The following PCDHAC1 variants were observed in gnomAD, a reference collection of about 807,000 sequenced individuals.
PCDHAC1 encodes the protein protocadherin alpha-C1.
PCDHAC1 carries 42 observed loss-of-function variants against 60.0 expected under a neutral mutation model. The ratio of observed to expected loss-of-function variants is 0.70; its 90% confidence interval spans 0.55 to 0.90. PCDHAC1 has a LOEUF of 0.90. Among genes scored for constraint, PCDHAC1 ranks in the 40% least tolerant of loss-of-function variants. The pLI is 0.00. For synonymous variants in PCDHAC1, 468 were observed against 499.3 expected, an observed-to-expected ratio of 0.94 and a Z score of 0.84; for missense variants, 1,160 against 1,222.3, an observed-to-expected ratio of 0.95 and a Z score of 0.76.
At chr5:140,944,134 A>G (rs890508296) in intron 1 of PCDHAC1, among the ~76,000 whole-genome samples, 1 of 152,122 alleles carries the variant, frequency 6.6e-6, no homozygotes, top group East Asian at 1.9e-4. Context: ...GAAAAGGTTG[A>G]AGATTAGAAG....
At chr5:140,941,743 C>G (rs2093156279) in intron 1 of PCDHAC1, among the ~76,000 whole-genome samples, 1 of 152,172 alleles carries the variant, frequency 6.6e-6, no homozygotes, top group Admixed American at 6.5e-5. Context: ...ATTATCTTAT[C>G]AGATTTTCAG....
intron 1 of PCDHAC1, among the ~76,000 whole-genome samples, chr5:140,936,969 A>G (rs1391736933): frequency 2.0e-5 from 3 of 152,202 alleles, no homozygotes; most frequent in African/African-American, 7.2e-5. Context: ...ATCTATAAAA[A>G]TATGAAGCTT....
At position 140,993,525 on chromosome 5, in the gene PCDHAC1, G is replaced by C. The variant is rs573802745; in HGVS notation, c.2581+10962G>C. On this transcript the variant is annotated intron_variant, in intron 3 of 3. Coordinates refer to ENST00000253807, the MANE Select transcript of PCDHAC1 (RefSeq NM_018898.5). Reference sequence around the variant, plus strand: ...ACACACACACGGGGAGAGAGAGACAGAGAGAGAGAGAGATAGAGAAGTGAA... The same window carrying C: ...ACACACACACGGGGAGAGAGAGACACAGAGAGAGAGAGATAGAGAAGTGAA... Among the ~76,000 whole-genome samples the C allele has an allele frequency of 4.8e-5, 7 of 147,308 alleles. No homozygotes were observed. The East Asian group carries it at 1.2e-3, about 24-fold the overall frequency.
intron 1 of PCDHAC1, among the ~76,000 whole-genome samples, chr5:140,943,674 A>G (rs1401531217): frequency 6.6e-6 from 1 of 152,240 alleles, no homozygotes; most frequent in Non-Finnish European, 1.5e-5. Context: ...TAAAGTGTGA[A>G]AAAAAGGGAT....
Position 140,979,718 on chromosome 5 carries a change from T to C in PCDHAC1, c.2492+711T>C, listed in dbSNP as rs372148471. Among the ~76,000 whole-genome samples, 17 of 152,388 alleles carry C rather than the reference T, an allele frequency of 1.1e-4. No homozygotes were observed. The East Asian group carries it at 2.7e-3, about 24-fold the overall frequency. On this transcript the variant is annotated intron_variant, in intron 2 of 3. Transcript: ENST00000253807. ...ATTTCTGGAGGTGATCCAGTATCCA[T>C]GCCATGGGGCCAAATAAAAGATTCA...
chr5:140,948,558 G>A (rs2094272533), intron 1 of PCDHAC1, among the ~76,000 whole-genome samples: 2 of 151,514 alleles, frequency 1.3e-5, no homozygotes, highest in Admixed American at 1.3e-4. Flanking sequence ...ATTTTGTTAA[G>A]TTGTATTTTT....
chr5:140,999,183 AG>A (rs1233229901), intron 3 of PCDHAC1, among the ~76,000 whole-genome samples: 2 of 152,200 alleles, frequency 1.3e-5, no homozygotes, highest in East Asian at 1.9e-4. Flanking sequence ...TGATGGGGAG[AG>A]GGTCCTTGGA....
chr5:140,928,698 G>A lies in PCDHAC1; in HGVS notation c.1806G>A (p.Arg602=). Residue 602 remains arginine (R), a synonymous_variant, in exon 1 of 4, where the codon CGG becomes CGA. Coordinates refer to ENST00000253807, the MANE Select transcript of PCDHAC1 (RefSeq NM_018898.5). The part of the protein sequence containing the change: ...SNAWLSYHIS[R]ASDSSLFRIS... ...CCTGGCTTTCCTACCACATCTCCCG[G>A]GCGTCTGACTCTAGTCTCTTTAGAA... The A allele has an allele frequency of 6.2e-7, 1 of 1,614,148 alleles. No individual in the cohort carries two copies. Among genetic ancestry groups the A allele is most frequent in the East Asian group, 2.2e-5 (1 of 44,880 alleles).
In PCDHAC1 at chr5:140,927,994, G is replaced by C; in HGVS notation, c.1102G>C (p.Asp368His). Residue 368 changes from aspartate (D) to histidine (H), a missense_variant, in exon 1 of 4, where the codon GAC (aspartate) becomes CAC (histidine). Coordinates refer to ENST00000253807, the MANE Select transcript of PCDHAC1 (RefSeq NM_018898.5). ...VIALFSVKDE[D>H]LDSNGRVICG... ...TGCTCTCTTTAGTGTAAAGGATGAA[G>C]ACCTCGATTCTAATGGTAGGGTCAT... The C allele has an allele frequency of 6.2e-7, 1 of 1,614,180 alleles. No homozygotes were observed. Among genetic ancestry groups the C allele is most frequent in the Non-Finnish European group, 8.5e-7 (1 of 1,180,034 alleles).
chr5:140,946,781 G>A (rs1006814243), intron 1 of PCDHAC1, among the ~76,000 whole-genome samples: 6 of 151,330 alleles, frequency 4.0e-5, no homozygotes, highest in African/African-American at 1.2e-4. Flanking sequence ...ATGTAAAAAA[G>A]CTGATCTTAT....
intron 3 of PCDHAC1, among the ~76,000 whole-genome samples, chr5:141,002,755 T>A (rs894161079): frequency 1.3e-5 from 2 of 152,174 alleles, no homozygotes; most frequent in Non-Finnish European, 2.9e-5. Context: ...GACAACCCTG[T>A]GATGTAGACA....
chr5:140,965,035 C>T (rs978573637), intron 1 of PCDHAC1, among the ~76,000 whole-genome samples: 6 of 152,108 alleles, frequency 3.9e-5, no homozygotes, highest in Non-Finnish European at 5.9e-5. Context: ...TTTAACTGTC[C>T]GCTCTAGGAG....
intron 3 of PCDHAC1, among the ~76,000 whole-genome samples, chr5:140,984,667 T>A (rs1554246463): frequency 6.6e-6 from 1 of 152,160 alleles, no homozygotes; most frequent in Non-Finnish European, 1.5e-5. Flanking sequence ...TACTTTTAGG[T>A]TTTTAGGACT....
chr5:140,936,615 G>T (rs1052104404), intron 1 of PCDHAC1, among the ~76,000 whole-genome samples: 1 of 152,178 alleles, frequency 6.6e-6, no homozygotes, highest in Non-Finnish European at 1.5e-5. Context: ...CTGCTACTGT[G>T]CAGTGCTACC....
At position 140,931,063 on chromosome 5, in the gene PCDHAC1, A is replaced by C. The variant is rs1584700470; in HGVS notation, c.2433+1738A>C. Among the ~76,000 whole-genome samples, 4 of 152,202 alleles carry C rather than the reference A, an allele frequency of 2.6e-5. No individual in the cohort carries two copies. In the South Asian group the frequency reaches 8.3e-4, roughly 31 times the overall value. On this transcript the variant is annotated intron_variant, in intron 1 of 3. Coordinates refer to ENST00000253807, the MANE Select transcript of PCDHAC1 (RefSeq NM_018898.5). ...GAAAAACTTCAATGCTGTGTCTGGGACTAAGTATGAGTCCAGTTCTACAGA... is the reference window on the plus strand; with the variant it reads ...GAAAAACTTCAATGCTGTGTCTGGGCCTAAGTATGAGTCCAGTTCTACAGA...
At chr5:140,929,721 ATTTACT>A (rs1474734727) in intron 1 of PCDHAC1, 3 of 222,378 alleles carry the variant, frequency 1.3e-5, no homozygotes, top group African/African-American at 4.6e-5. Flanking sequence ...AAGGTGAAAC[ATTTACT>A]TAAACTATTG....
At chr5:140,973,862 A>G (rs1438238778) in intron 1 of PCDHAC1, among the ~76,000 whole-genome samples, 2 of 152,196 alleles carry the variant, frequency 1.3e-5, no homozygotes, top group Non-Finnish European at 2.9e-5. Flanking sequence ...TTTGCTCTCA[A>G]TGAGAGGTCA....
rs2084222098 is a variant in PCDHAC1 at position 140,927,459 on chromosome 5, A to G, written c.567A>G (p.Lys189=). The G allele has an allele frequency of 6.2e-7, 1 of 1,614,018 alleles. No individual in the cohort carries two copies. The highest frequency in any genetic ancestry group is 8.5e-7 in the Non-Finnish European group (1 of 1,180,038). Residue 189 remains lysine (K), a synonymous_variant, in exon 1 of 4, where the codon AAA becomes AAG. Transcript: ENST00000253807. ...AATACCCGGAGTTGGTGTTGGAGAA[A>G]GCACTGGATCGCGAACAGCGCGCCA... ...GSEYPELVLE[K]ALDREQRATH... is the part of the protein sequence containing the mutation.
intron 1 of PCDHAC1, among the ~76,000 whole-genome samples, chr5:140,933,965 T>A (rs1400091615): frequency 2.6e-5 from 4 of 152,064 alleles, no homozygotes; most frequent in Non-Finnish European, 5.9e-5. Flanking sequence ...GTAGTGATGT[T>A]TCCCTTTTCA....
Sources: allele counts gnomAD v4.1 joint callset (sites outside exome capture counted in the v4.1 genomes callset), GRCh38; gene constraint gnomAD v4.1.1; transcripts MANE v1.5; gene names NCBI Gene and HGNC (gene_info 2026-07-23, HGNC 2026-07-21).